METTL24: variants seen among roughly 807,000 people sequenced by gnomAD.
The protein encoded by METTL24 is methyltransferase like 24.
In METTL24, 29 loss-of-function variants were observed where a neutral mutation model predicts 32.7. The observed-to-expected ratio is 0.89, with a 90% CI of 0.66 to 1.21. The LOEUF (loss-of-function observed/expected upper bound fraction) is 1.21. Ranked by LOEUF, METTL24 falls within the 50% of genes most tolerant of loss-of-function variation. The probability of loss-of-function intolerance (pLI) is 0.00; values close to 1 mark genes in which losing one functional copy is unlikely to be tolerated. For missense variants in METTL24, 439 were observed against 468.1 expected, an observed-to-expected ratio of 0.94 and a Z score of 0.57; for synonymous variants, 163 against 179.5, an observed-to-expected ratio of 0.91 and a Z score of 0.73.
At chr6:110,258,912 T>C (rs1484185291) in intron 4 of METTL24, among the ~76,000 whole-genome samples, 1 of 152,126 alleles carries the variant, frequency 6.6e-6, no homozygotes, top group Non-Finnish European at 1.5e-5. Flanking sequence ...AGTTAAGGGC[T>C]AGCTAGGTAA....
intron 1 of METTL24, among the ~76,000 whole-genome samples, chr6:110,339,298 A>G (rs1772301653): frequency 6.6e-6 from 1 of 152,206 alleles, no homozygotes; most frequent in African/African-American, 2.4e-5. Context: ...CTTGCTCCCA[A>G]ACCAGTTTCT....
intron 3 of METTL24, among the ~76,000 whole-genome samples, chr6:110,311,260 C>A (rs1338932481): frequency 6.6e-6 from 1 of 152,062 alleles, no homozygotes; most frequent in Non-Finnish European, 1.5e-5. Flanking sequence ...GGTCCTGGAG[C>A]CTTAGTAAGT....
At chr6:110,354,869 C>T (rs1034271758) in intron 1 of METTL24, among the ~76,000 whole-genome samples, 2 of 151,956 alleles carry the variant, frequency 1.3e-5, no homozygotes, top group African/African-American at 4.8e-5. Flanking sequence ...TAATAGCTAG[C>T]GAGAAGGAAA....
At chr6:110,256,475 T>C (rs1778386829) in intron 4 of METTL24, among the ~76,000 whole-genome samples, 1 of 152,162 alleles carries the variant, frequency 6.6e-6, no homozygotes, top group African/African-American at 2.4e-5. Context: ...TTTGATTTCC[T>C]TACCTGGGCT....
intron 1 of METTL24, among the ~76,000 whole-genome samples, chr6:110,352,440 G>T (rs1772624012): frequency 6.6e-6 from 1 of 151,992 alleles, no homozygotes; most frequent in Admixed American, 6.6e-5. Flanking sequence ...AAAATTCGTG[G>T]GCCAAATTTA....
chr6:110,302,469 ATATATACACATATACACACATATGTG>A (rs1771535610), intron 3 of METTL24, among the ~76,000 whole-genome samples: 3 of 98,414 alleles, frequency 3.0e-5, no homozygotes, highest in East Asian at 2.6e-4. Flanking sequence ...ACATATGTGT[ATATATACACATATACACACATATGTG>A]TATATATACA....
At chr6:110,313,863 T>C (rs1771768086) in intron 3 of METTL24, among the ~76,000 whole-genome samples, 1 of 152,238 alleles carries the variant, frequency 6.6e-6, no homozygotes. Context: ...ATCTTCTACA[T>C]GGCAAGTATG....
intron 3 of METTL24, among the ~76,000 whole-genome samples, chr6:110,305,453 T>G (rs1391385920): frequency 1.3e-5 from 2 of 151,742 alleles, no homozygotes; most frequent in Non-Finnish European, 1.5e-5. Flanking sequence ...ATATCCAGAA[T>G]CTACATGGAA....
chr6:110,350,452 T>G (rs1446549225), intron 1 of METTL24, among the ~76,000 whole-genome samples: 1 of 151,988 alleles, frequency 6.6e-6, no homozygotes, highest in Non-Finnish European at 1.5e-5. Flanking sequence ...GCTAGCCAGT[T>G]GCAAGGGGGG....
chr6:110,302,643 A>G (rs1443699948), intron 3 of METTL24, among the ~76,000 whole-genome samples: 3 of 133,814 alleles, frequency 2.2e-5, no homozygotes, highest in African/African-American at 7.2e-5. Context: ...ACACACACAT[A>G]TGTGTATATA....
At chr6:110,297,605 C>T (rs1272128697) in intron 4 of METTL24, among the ~76,000 whole-genome samples, 1 of 151,780 alleles carries the variant, frequency 6.6e-6, no homozygotes, top group Non-Finnish European at 1.5e-5. Context: ...GCCTGTAATT[C>T]TCAGCTGTAA....
chr6:110,273,556 G>A (rs1286058451), intron 4 of METTL24, among the ~76,000 whole-genome samples: 3 of 151,146 alleles, frequency 2.0e-5, no homozygotes, highest in Admixed American at 6.6e-5. Flanking sequence ...TCAAAAAGTG[G>A]CCTAAGGACA....
intron 1 of METTL24, among the ~76,000 whole-genome samples, chr6:110,344,592 GAGA>G (rs1772431484): frequency 6.6e-6 from 1 of 152,138 alleles, no homozygotes; most frequent in African/African-American, 2.4e-5. Flanking sequence ...ATCTGTTAAT[GAGA>G]AGAATGAAGT....
intron 4 of METTL24, among the ~76,000 whole-genome samples, chr6:110,255,013 T>C (rs1158205147): frequency 6.6e-6 from 1 of 152,100 alleles, no homozygotes; most frequent in Non-Finnish European, 1.5e-5. Context: ...CCTAAATCAG[T>C]TTCAATTATC....
chr6:110,337,716 C>G (rs1388664033), intron 1 of METTL24, among the ~76,000 whole-genome samples: 1 of 152,180 alleles, frequency 6.6e-6, no homozygotes, highest in Non-Finnish European at 1.5e-5. Context: ...TTCCTCCTGC[C>G]CAGAATTCTC....
chr6:110,334,695 T>C (rs558491559), intron 1 of METTL24, among the ~76,000 whole-genome samples: 1 of 152,300 alleles, frequency 6.6e-6, no homozygotes, highest in South Asian at 2.1e-4. Context: ...ACTGAATATG[T>C]CATTGGTTGC....
At chr6:110,321,636 CA>C (rs1344923754) in intron 2 of METTL24, among the ~76,000 whole-genome samples, 1 of 152,092 alleles carries the variant, frequency 6.6e-6, no homozygotes, top group Non-Finnish European at 1.5e-5. Flanking sequence ...TTTGCAGCAG[CA>C]AAATAAGATA....
At chr6:110,301,451 G>A (rs1771515667) in intron 3 of METTL24, among the ~76,000 whole-genome samples, 1 of 152,202 alleles carries the variant, frequency 6.6e-6, no homozygotes, top group Non-Finnish European at 1.5e-5. Context: ...CTTTATGGAA[G>A]GAAGTGGGAG....
At chr6:110,294,260 T>C (rs1275671907) in intron 4 of METTL24, among the ~76,000 whole-genome samples, 2 of 152,028 alleles carry the variant, frequency 1.3e-5, no homozygotes, top group Admixed American at 6.6e-5. Context: ...CCAGCAACAT[T>C]GGCATTTGAA....
Sources: gnomAD v4.1 joint callset for allele counts (sites outside exome capture counted in the v4.1 genomes callset) on GRCh38, gnomAD v4.1.1 for gene constraint, MANE v1.5 for transcripts, NCBI Gene and HGNC (gene_info 2026-07-23, HGNC 2026-07-21) for gene names.